Variants in C1orf141 observed in about 807,000 individuals in gnomAD.
The protein encoded by C1orf141 is chromosome 1 open reading frame 141, also known as uncharacterized protein C1orf141.
C1orf141 carries 19 observed loss-of-function variants against 23.2 expected under a neutral mutation model. The ratio of observed to expected loss-of-function variants is 0.82; its 90% CI spans 0.57 to 1.20. The LOEUF (loss-of-function observed/expected upper bound fraction) is 1.20, where lower values mean the gene tolerates loss of function less well. C1orf141 is among the 50% of genes most tolerant of loss of function. C1orf141 has a pLI of 0.00. For missense variants in C1orf141, 469 were observed against 455.1 expected (o/e 1.03, Z -0.28); for synonymous variants, 153 against 154.6 (o/e 0.99, Z 0.08).
chr1:67,096,332 A>G lies in C1orf141; in HGVS notation c.347-11T>C. 1 of 1,419,538 alleles carries G rather than the reference A, an allele frequency of 7.0e-7. No homozygotes were observed. The highest frequency in any genetic ancestry group is 9.7e-7 in the Non-Finnish European group (1 of 1,026,188). The allele number at this position is 1,419,538 out of a possible 1,614,324, so 87.9% of individuals were successfully genotyped here. A position where few individuals can be genotyped will look rare whatever the true frequency, so the allele number is the denominator to read the frequency against. ...TTTTTTCAATTTGAGCTGAAATTTT[A>G]AAAGATTTTCATAAAAGACACATAG... On this transcript the variant is annotated splice_polypyrimidine_tract_variant and intron_variant, in intron 5 of 7. Transcript: ENST00000684719.
intron 5 of C1orf141, among the ~76,000 whole-genome samples, chr1:67,107,218 A>T (rs1558191106): frequency 6.7e-6 from 1 of 150,128 alleles, no homozygotes; most frequent in African/African-American, 2.5e-5. Context: ...GAAACCACTA[A>T]AAATCCCAAA....
In C1orf141 at chr1:67,122,766, A is replaced by G. The variant is rs370452264; in HGVS notation, c.233+2986T>C. On this transcript the variant is annotated intron_variant, in intron 4 of 7. Coordinates refer to ENST00000684719, the MANE Select transcript of C1orf141 (RefSeq NM_001276351.2). ...CATTATAATTATTTTAATGTCTTCC[A>G]TATCCATGGCTATAGTTTCTTCTTG... is the stretch of plus-strand genomic sequence containing the variant. The G allele has an allele frequency of 2.6e-5, 4 of 152,312 alleles. No individual in the cohort carries two copies. The South Asian group carries it at 8.3e-4, about 32-fold the overall frequency. The allele number at this position is 152,312 out of a possible 1,614,324, so 9.4% of individuals were successfully genotyped here.
At chr1:67,137,542 G>A (rs1646596229), upstream of C1orf141, among the ~76,000 whole-genome samples, 2 of 152,178 alleles carry the variant, frequency 1.3e-5, no homozygotes, top group East Asian at 1.9e-4. Flanking sequence ...TGGATACCAC[G>A]TGACCCAAAG....
At chr1:67,101,363 G>A (rs1051754080) in intron 5 of C1orf141, among the ~76,000 whole-genome samples, 16 of 151,698 alleles carry the variant, frequency 1.1e-4, no homozygotes, top group Admixed American at 1.1e-3. Context: ...CTTACAATAA[G>A]GAAAGGAATC....
At chr1:67,134,357 G>T (rs975159331) in intron 1 of C1orf141, among the ~76,000 whole-genome samples, 1 of 152,202 alleles carries the variant, frequency 6.6e-6, no homozygotes, top group Admixed American at 6.5e-5. Flanking sequence ...TATGATGTAC[G>T]TGGATTGTGG....
intron 4 of C1orf141, 79 bp from the exon 5 acceptor site, chr1:67,115,543 A>C: frequency 4.9e-6 from 3 of 611,562 alleles, no homozygotes; most frequent in Non-Finnish European, 8.4e-6. Context: ...ATTTGGAGGA[A>C]TGTGAAGTCC....
At chr1:67,123,729 C>T (rs1181728034) in intron 4 of C1orf141, 8 of 152,138 alleles carry the variant, frequency 5.3e-5, no homozygotes, top group Admixed American at 4.6e-4. Flanking sequence ...TGTTAAAAAC[C>T]ACTAAGAGTC....
intron 5 of C1orf141, chr1:67,113,844 A>C (rs1249842705): frequency 4.3e-6 from 2 of 466,220 alleles, no homozygotes; most frequent in Admixed American, 2.6e-5. Flanking sequence ...TCCTGCTGAA[A>C]ACACCTTAAA....
intron 6 of C1orf141, 53 bp from the exon 7 acceptor site, chr1:67,095,474 C>A: frequency 9.8e-7 from 1 of 1,018,860 alleles, no homozygotes; most frequent in South Asian, 1.9e-5. Context: ...TACAGCTTGT[C>A]AGTTCTTGTC....
intron 3 of C1orf141, among the ~76,000 whole-genome samples, chr1:67,126,837 C>G (rs573427017): frequency 1.3e-5 from 2 of 152,174 alleles, no homozygotes; most frequent in African/African-American, 4.8e-5. Flanking sequence ...ACGCATTTAC[C>G]TCAGAGAAAT....
At chr1:67,126,017 C>T (rs1348227219) in intron 3 of C1orf141, 108 bp from the exon 4 acceptor site, 13 of 1,178,140 alleles carry the variant, frequency 1.1e-5, no homozygotes, top group Non-Finnish European at 1.3e-5. Context: ...CACACACACA[C>T]AGAATTTAGG....
At chr1:67,121,303 T>C (rs1646294503) in intron 4 of C1orf141, among the ~76,000 whole-genome samples, 1 of 152,224 alleles carries the variant, frequency 6.6e-6, no homozygotes, top group Non-Finnish European at 1.5e-5. Context: ...TGGCTATAGG[T>C]AAGGCATACT....
Position 67,096,255 on chromosome 1 carries a change from T to G in C1orf141, c.413A>C (p.Lys138Thr). 1 of 1,433,696 alleles carries G rather than the reference T, an allele frequency of 7.0e-7. No homozygotes were observed. Among genetic ancestry groups the G allele is most frequent in the Non-Finnish European group, 9.6e-7 (1 of 1,040,058 alleles). The allele number at this position is 1,433,696 out of a possible 1,614,324, so 88.8% of individuals were successfully genotyped here. Reference sequence around the variant, plus strand: ...TAAGCATTTTAAAATAAATTACCTTTTATTTCTATCACCTTCTAAGAGACC... The same window carrying G: ...TAAGCATTTTAAAATAAATTACCTTGTATTTCTATCACCTTCTAAGAGACC... ...SVGLLEGDRN[K>T]RKKSPQMNDF... is the part of the protein sequence containing the mutation. The change falls in exon 6 of 8, where the codon AAA becomes ACA. Residue 138 changes from lysine to threonine, a missense_variant. Lys to Thr is a moderately conservative substitution (Grantham distance 78, BLOSUM62 -1). Transcript: ENST00000684719.
chr1:67,127,292 A>G (rs762111285), intron 2 of C1orf141, 35 bp from the exon 3 acceptor site: 1 of 1,237,176 alleles, frequency 8.1e-7, no homozygotes, highest in Non-Finnish European at 1.2e-6. Context: ...GAACAAATCA[A>G]TTCAAATTTA....
At chr1:67,113,439 T>A (rs1271666906) in intron 5 of C1orf141, among the ~76,000 whole-genome samples, 1 of 150,292 alleles carries the variant, frequency 6.7e-6, no homozygotes, top group African/African-American at 2.4e-5. Context: ...AATCTCAGCT[T>A]ACTGCAACCT....
At chr1:67,105,646 G>A (rs1558190158) in intron 5 of C1orf141, among the ~76,000 whole-genome samples, 3 of 151,520 alleles carry the variant, frequency 2.0e-5, no homozygotes, top group Non-Finnish European at 4.4e-5. Context: ...CACACACACA[G>A]ACACACACAC....
chr1:67,130,995 T>C (rs1373780183), intron 2 of C1orf141, 147 bp downstream of exon 2: 1 of 152,376 alleles, frequency 6.6e-6, no homozygotes, highest in Non-Finnish European at 1.5e-5. Flanking sequence ...GCCTATTTTG[T>C]GTCTCCTCAA....
At position 67,095,231 on chromosome 1, in the gene C1orf141, T is replaced by C. The variant is rs781501627; in HGVS notation, c.603+4A>G. The C allele has an allele frequency of 2.3e-5, 35 of 1,508,332 alleles. No homozygotes were observed. Among genetic ancestry groups the C allele is most frequent in the Non-Finnish European group, 3.2e-5 (35 of 1,101,342 alleles). The allele number at this position is 1,508,332 out of a possible 1,614,324, so 93.4% of individuals were successfully genotyped here. A position where few individuals can be genotyped will look rare whatever the true frequency, so the allele number is the denominator to read the frequency against. On this transcript the variant is annotated splice_donor_region_variant and intron_variant, in intron 7 of 7. Transcript: ENST00000684719. ...TACTTAACAATAGATGATATGCTTA[T>C]TACCATGTGAGAAGTTACTGTCTTT... is the stretch of plus-strand genomic sequence containing the variant.
chr1:67,112,833 C>A (rs531187650), intron 5 of C1orf141, among the ~76,000 whole-genome samples: 2 of 152,246 alleles, frequency 1.3e-5, no homozygotes, highest in South Asian at 4.1e-4. Context: ...TCAGAGGACG[C>A]CTCTCTGAAC....
Sources: allele counts gnomAD v4.1 joint callset (sites outside exome capture counted in the v4.1 genomes callset), GRCh38; gene constraint gnomAD v4.1.1; transcripts MANE v1.5; gene names NCBI Gene and HGNC (gene_info 2026-07-23, HGNC 2026-07-21).